The following DRD3 variants were observed in gnomAD, a reference collection of about 807,000 sequenced individuals.
DRD3 encodes dopamine receptor D3.
A neutral mutation model predicts 36.3 loss-of-function variants in DRD3; 19 were observed. The ratio of observed to expected loss-of-function variants is 0.52; its 90% CI spans 0.36 to 0.77. The LOEUF (loss-of-function observed/expected upper bound fraction) is 0.77. Among genes scored for constraint, DRD3 ranks in the 30% least tolerant of loss-of-function variants. The pLI is 0.00. For missense variants in DRD3, 465 were observed against 505.3 expected, an observed-to-expected ratio of 0.92 and a Z score of 0.77; for synonymous variants, 195 against 203.7, an observed-to-expected ratio of 0.96 and a Z score of 0.36.
intron 1 of DRD3, among the ~76,000 whole-genome samples, chr3:114,176,576 G>T (rs1317882216): frequency 6.6e-6 from 1 of 152,108 alleles, no homozygotes; most frequent in Non-Finnish European, 1.5e-5. Context: ...CTGCACTCCA[G>T]CCTGGGTGAC....
At chr3:114,129,254 A>G (rs910299793) in intron 6 of DRD3, among the ~76,000 whole-genome samples, 3 of 151,976 alleles carry the variant, frequency 2.0e-5, no homozygotes, top group Non-Finnish European at 4.4e-5. Context: ...GGGGCAGGAG[A>G]GTTGCTTGAG....
chr3:114,134,108 A>G (rs2077455385), intron 5 of DRD3, among the ~76,000 whole-genome samples: 1 of 152,152 alleles, frequency 6.6e-6, no homozygotes, highest in South Asian at 2.1e-4. Context: ...TTTGTTTTCT[A>G]CGTAAGTTAT....
At chr3:114,131,542 T>C in intron 5 of DRD3, 142 bp from the exon 6 acceptor site, 1 of 1,182,678 alleles carries the variant, frequency 8.5e-7, no homozygotes, top group Non-Finnish European at 1.2e-6. Context: ...TCTGAGGGAG[T>C]GGTGGGACCA....
intron 4 of DRD3, 88 bp downstream of exon 4, chr3:114,147,327 A>G: frequency 1.3e-6 from 2 of 1,523,586 alleles, no homozygotes; most frequent in Non-Finnish European, 1.8e-6. Context: ...CGGGGGTCAG[A>G]AATTGCAGGG....
chr3:114,147,620 C>A, intron 3 of DRD3, 63 bp from the exon 4 acceptor site: 1 of 1,567,658 alleles, frequency 6.4e-7, no homozygotes, highest in Non-Finnish European at 8.7e-7. Flanking sequence ...TTTCTTTCTG[C>A]GTTGTTGTTG....
chr3:114,167,678 G>A (rs1255901282), intron 2 of DRD3, among the ~76,000 whole-genome samples: 1 of 152,178 alleles, frequency 6.6e-6, no homozygotes, highest in Non-Finnish European at 1.5e-5. Context: ...GCTGACTGTG[G>A]TTCCCACTTA....
intron 1 of DRD3, among the ~76,000 whole-genome samples, chr3:114,198,814 T>C (rs2078050291): frequency 6.6e-6 from 1 of 152,132 alleles, no homozygotes; most frequent in Admixed American, 6.5e-5. Flanking sequence ...CATACCTCAT[T>C]GCAGCCTTGA....
At chr3:114,188,475 G>T (rs759952193) in intron 1 of DRD3, among the ~76,000 whole-genome samples, 10 of 152,122 alleles carry the variant, frequency 6.6e-5, no homozygotes, top group Non-Finnish European at 1.3e-4. Context: ...GCCTCCTAAA[G>T]TGCTGGGATT....
In DRD3 at chr3:114,176,162, G is replaced by C. The variant is rs1306383527; in HGVS notation, c.-36+2495C>G. The C allele has an allele frequency of 2.6e-5, 4 of 152,188 alleles. No homozygotes were observed. The South Asian group carries it at 8.3e-4, about 32-fold the overall frequency. The allele number at this position is 152,188 out of a possible 1,614,324, so 9.4% of individuals were successfully genotyped here. The stretch of plus-strand genomic sequence containing the variant: ...GGGTTCCTCCTTAGCACCTCATTAA[G>C]ACTTACAGAGTTTTAATTATTTGTT... On this transcript the variant is annotated intron_variant, in intron 1 of 6. Coordinates refer to ENST00000383673, the MANE Select transcript of DRD3 (RefSeq NM_000796.6).
At chr3:114,156,469 G>GT (rs146935421) in intron 3 of DRD3, among the ~76,000 whole-genome samples, 2,535 of 144,890 alleles carry the variant, frequency 0.017, 73 homozygotes, top group African/African-American at 0.059. Flanking sequence ...ACCTTTTGCC[G>GT]TTTTTTTTTT....
chr3:114,150,434 G>A (rs1577596558), intron 3 of DRD3, among the ~76,000 whole-genome samples: 1 of 152,184 alleles, frequency 6.6e-6, no homozygotes, highest in Non-Finnish European at 1.5e-5. Flanking sequence ...AATTTGCCTC[G>A]TGGCTGGAGA....
chr3:114,189,559 ACTT>A (rs2077993069), intron 1 of DRD3, among the ~76,000 whole-genome samples: 1 of 152,252 alleles, frequency 6.6e-6, no homozygotes, highest in Admixed American at 6.5e-5. Flanking sequence ...TAGGAAACTG[ACTT>A]AATAAAGGCA....
Position 114,198,492 on chromosome 3 carries a change from C to T in DRD3, c.-156+781G>A, listed in dbSNP as rs113525490. On this transcript the variant is annotated intron_variant, in intron 1 of 7. Transcript: ENST00000460779. The stretch of plus-strand genomic sequence containing the variant: ...TTGCTATTATATAGAAATACAATTG[C>T]TTTTTATAGATTGATTTCGTATTCT... Among the ~76,000 whole-genome samples, 593 of 152,174 alleles carry T rather than the reference C, an allele frequency of 3.9e-3. 4 individuals are homozygous for T. Among genetic ancestry groups the T allele is most frequent in the African/African-American group, 0.013 (549 of 41,540 alleles).
chr3:114,163,800 G>A (rs1357742741), intron 2 of DRD3, among the ~76,000 whole-genome samples: 2 of 152,166 alleles, frequency 1.3e-5, no homozygotes, highest in Admixed American at 1.3e-4. Flanking sequence ...ATGGGTATGG[G>A]TGAACTGAGG....
rs201146268 is a variant in DRD3 at position 114,171,858 on chromosome 3, G to A, written c.135C>T (p.Phe45=). ...CAGCCATGCACACCAGGCCATTGCC[G>A]AAGACGATGGCCAGGATGAGCGCGC... ...SYCALILAIV[F]GNGLVCMAVL... Residue 45 remains phenylalanine, a synonymous_variant, in exon 2 of 7, where the codon TTC becomes TTT. Coordinates refer to ENST00000383673, the MANE Select transcript of DRD3 (RefSeq NM_000796.6). The A allele has an allele frequency of 4.5e-5, 73 of 1,613,706 alleles. No homozygotes were observed. Among genetic ancestry groups the A allele is most frequent in the South Asian group, 5.5e-5 (5 of 90,974 alleles).
chr3:114,192,337 C>G (rs2078014863), intron 1 of DRD3, among the ~76,000 whole-genome samples: 1 of 152,114 alleles, frequency 6.6e-6, no homozygotes, highest in Non-Finnish European at 1.5e-5. Context: ...AGTCTGGCTC[C>G]CTGGTTGCTT....
At chr3:114,171,000 C>T (rs964038635) in intron 2 of DRD3, among the ~76,000 whole-genome samples, 1 of 152,138 alleles carries the variant, frequency 6.6e-6, no homozygotes. Context: ...TCTTGACCAC[C>T]CCCTGGCTCT....
chr3:114,191,781 G>A lies in DRD3; in HGVS notation c.-156+7492C>T, dbSNP rs78169273. Reference sequence around the variant, plus strand: ...GATAAATTGTGGGACATGAGGGAAAGGGAGCTGCCAAAATAGTGATTGAAT... The same window carrying A: ...GATAAATTGTGGGACATGAGGGAAAAGGAGCTGCCAAAATAGTGATTGAAT... On this transcript the variant is annotated intron_variant, in intron 1 of 7. Coordinates refer to the DRD3 transcript ENST00000460779. 3.9e-3 allele frequency among the ~76,000 whole-genome samples: 590 copies of A among 152,276 alleles called. 4 individuals are homozygous for A. Among genetic ancestry groups the A allele is most frequent in the African/African-American group, 0.013 (545 of 41,552 alleles).
At position 114,184,396 on chromosome 3, in the gene DRD3, T is replaced by TA. The variant is rs200137995; in HGVS notation, c.-155-5621dup. On this transcript the variant is annotated intron_variant, in intron 1 of 7. Coordinates refer to the DRD3 transcript ENST00000460779. Reference sequence around the variant, plus strand: ...AAAACATGGAGCCACAAACCAAAGTTACAATAATGTTAGCTTTTAGACTAA... The same window carrying TA: ...AAAACATGGAGCCACAAACCAAAGTTAACAATAATGTTAGCTTTTAGACTAA... Among the ~76,000 whole-genome samples, 174 of 152,316 alleles carry TA rather than the reference T, an allele frequency of 1.1e-3. 5 individuals are homozygous for TA. The South Asian group carries it at 0.022, about 20-fold the overall frequency.
Sources: gnomAD v4.1 joint callset for allele counts (sites outside exome capture counted in the v4.1 genomes callset) on GRCh38, gnomAD v4.1.1 for gene constraint, MANE v1.5 for transcripts, NCBI Gene and HGNC (gene_info 2026-07-23, HGNC 2026-07-21) for gene names.